Variants in GALNTL6 observed in about 807,000 individuals in gnomAD.
The protein encoded by GALNTL6 is polypeptide N-acetylgalactosaminyltransferase-like 6.
A neutral mutation model predicts 73.7 loss-of-function variants in GALNTL6; 46 were observed. The observed-to-expected ratio is 0.62, with a 90% CI of 0.49 to 0.80. The LOEUF is 0.80. Ranked by LOEUF, GALNTL6 falls within the 30% of genes least tolerant of loss-of-function variation. GALNTL6 has a pLI of 0.00. For synonymous variants in GALNTL6, 259 were observed against 263.7 expected (o/e 0.98, Z 0.17); for missense variants, 604 against 755.0 (o/e 0.80, Z 2.34).
chr4:172,512,693 A>C (rs1175303052), intron 5 of GALNTL6, among the ~76,000 whole-genome samples: 2 of 152,070 alleles, frequency 1.3e-5, no homozygotes, highest in Non-Finnish European at 2.9e-5. Flanking sequence ...TCTTTCCTTC[A>C]TTTATAAGAC....
chr4:172,628,142 T>C (rs1739244226), intron 5 of GALNTL6, among the ~76,000 whole-genome samples: 1 of 152,132 alleles, frequency 6.6e-6, no homozygotes. Context: ...TTATATTGTC[T>C]GACTCTTTTA....
intron 3 of GALNTL6, among the ~76,000 whole-genome samples, chr4:172,300,316 CTT>C (rs1323734499): frequency 6.6e-6 from 1 of 152,068 alleles, no homozygotes; most frequent in African/African-American, 2.4e-5. Context: ...AGTCTTGACT[CTT>C]TATCAAATTT....
chr4:172,831,712 A>C (rs1742649707), intron 7 of GALNTL6, among the ~76,000 whole-genome samples: 1 of 152,218 alleles, frequency 6.6e-6, no homozygotes, highest in Non-Finnish European at 1.5e-5. Context: ...CAAAGCCTAA[A>C]GCCCCAACAT....
chr4:172,385,686 C>G (rs761546981), intron 5 of GALNTL6, among the ~76,000 whole-genome samples: 1 of 151,924 alleles, frequency 6.6e-6, no homozygotes, highest in South Asian at 2.1e-4. Context: ...ATCATTGGAT[C>G]ATTTTTATAA....
chr4:171,913,776 A>T (rs1273873302), intron 2 of GALNTL6, among the ~76,000 whole-genome samples: 3 of 152,200 alleles, frequency 2.0e-5, no homozygotes, highest in Admixed American at 2.0e-4. Flanking sequence ...TTTCTAGTTT[A>T]TATGATTCAA....
At chr4:173,010,125 A>C (rs926972910) in intron 11 of GALNTL6, among the ~76,000 whole-genome samples, 1 of 152,064 alleles carries the variant, frequency 6.6e-6, no homozygotes, top group African/African-American at 2.4e-5. Flanking sequence ...GTACCCATTT[A>C]GCATCCCCAC....
At chr4:172,716,081 C>A (rs1267096702) in intron 5 of GALNTL6, among the ~76,000 whole-genome samples, 1 of 148,802 alleles carries the variant, frequency 6.7e-6, no homozygotes, top group Non-Finnish European at 1.5e-5. Context: ...CCCAACAACC[C>A]CAGGGTGGGA....
chr4:172,969,212 A>G (rs1025855865), intron 10 of GALNTL6, among the ~76,000 whole-genome samples: 1 of 152,126 alleles, frequency 6.6e-6, no homozygotes, highest in African/African-American at 2.4e-5. Context: ...TGAAGGGTAT[A>G]TTAGAAGAAA....
At chr4:172,519,493 TTC>T (rs1734708952) in intron 5 of GALNTL6, among the ~76,000 whole-genome samples, 3 of 150,834 alleles carry the variant, frequency 2.0e-5, no homozygotes, top group Admixed American at 1.3e-4. Context: ...TGTTTTCTTT[TTC>T]TCTTTCCTTC....
chr4:171,819,961 G>A (rs1460633343), intron 2 of GALNTL6, among the ~76,000 whole-genome samples: 1 of 152,090 alleles, frequency 6.6e-6, no homozygotes, highest in African/African-American at 2.4e-5. Context: ...GAAATGGAAG[G>A]TTCTGAAGAT....
rs373958795 is a variant in GALNTL6, at chr4:172,489,229, A to C, written c.553+140540A>C. On this transcript the variant is annotated intron_variant, in intron 5 of 12. Transcript: ENST00000506823. ...CCCACTTCTATAGTATAATTCTCCA[A>C]AACAATTGAAATTACCATTGAGTCA... Among the ~76,000 whole-genome samples the C allele has an allele frequency of 9.2e-5, 14 of 152,304 alleles. No homozygotes were observed. In the South Asian group the frequency reaches 2.5e-3, roughly 27 times the overall value.
intron 2 of GALNTL6, among the ~76,000 whole-genome samples, chr4:171,823,079 C>T (rs1734727761): frequency 6.6e-6 from 1 of 152,100 alleles, no homozygotes. Flanking sequence ...ATGTTAACAG[C>T]CACATTGTTT....
At chr4:172,523,501 AC>A (rs2110824425) in intron 5 of GALNTL6, among the ~76,000 whole-genome samples, 1 of 152,198 alleles carries the variant, frequency 6.6e-6, no homozygotes, top group East Asian at 1.9e-4. Flanking sequence ...AGTAGCTGGA[AC>A]TACAGGTGCA....
intron 10 of GALNTL6, among the ~76,000 whole-genome samples, chr4:172,993,960 C>G (rs1016480139): frequency 1.1e-4 from 16 of 152,262 alleles, no homozygotes; most frequent in African/African-American, 3.6e-4. Context: ...GCTTTTGACA[C>G]CCACCCTTCA....
At chr4:171,915,253 C>A (rs1472331921) in intron 2 of GALNTL6, among the ~76,000 whole-genome samples, 1 of 152,138 alleles carries the variant, frequency 6.6e-6, no homozygotes. Context: ...TTCTGCCAGG[C>A]ATTACCTAGA....
intron 5 of GALNTL6, among the ~76,000 whole-genome samples, chr4:172,738,233 G>T (rs973196872): frequency 1.3e-5 from 2 of 152,188 alleles, no homozygotes; most frequent in Non-Finnish European, 2.9e-5. Flanking sequence ...TTCCTCACAG[G>T]TGGTGCCTGG....
chr4:172,042,469 G>T (rs1229163911), intron 2 of GALNTL6, among the ~76,000 whole-genome samples: 1 of 151,882 alleles, frequency 6.6e-6, no homozygotes, highest in African/African-American at 2.4e-5. Flanking sequence ...CATTAAGCAA[G>T]TCTACTTAAA....
chr4:172,317,187 ACT>A (rs1740590447), intron 4 of GALNTL6, among the ~76,000 whole-genome samples: 1 of 151,980 alleles, frequency 6.6e-6, no homozygotes, highest in African/African-American at 2.4e-5. Context: ...TTTTGAGCAA[ACT>A]CTTGATTTTT....
chr4:172,208,540 G>T (rs950645064), intron 2 of GALNTL6, among the ~76,000 whole-genome samples: 2 of 152,252 alleles, frequency 1.3e-5, no homozygotes, highest in East Asian at 3.9e-4. Flanking sequence ...TTTTTCTAAA[G>T]AGCATGAATG....
Sources: gnomAD v4.1 joint callset for allele counts (sites outside exome capture counted in the v4.1 genomes callset) on GRCh38, gnomAD v4.1.1 for gene constraint, MANE v1.5 for transcripts, NCBI Gene and HGNC (gene_info 2026-07-23, HGNC 2026-07-21) for gene names.